FAM53A: variants seen among roughly 807,000 people sequenced by gnomAD.
The protein encoded by FAM53A is protein FAM53A.
FAM53A carries 28 observed loss-of-function variants against 26.6 expected under a neutral mutation model. The ratio of observed to expected loss-of-function variants is 1.05; its 90% CI spans 0.78 to 1.45. The LOEUF is 1.45. Among genes scored for constraint, FAM53A ranks in the 40% most tolerant of loss-of-function variants. The probability of loss-of-function intolerance (pLI) is 0.00; values close to 1 mark genes in which losing one functional copy is unlikely to be tolerated. For synonymous variants in FAM53A, 290 were observed against 253.1 expected, an observed-to-expected ratio of 1.15 and a Z score of -1.38; for missense variants, 650 against 575.8, an observed-to-expected ratio of 1.13 and a Z score of -1.32.
intron 2 of FAM53A, among the ~76,000 whole-genome samples, chr4:1,667,801 T>C (rs987967357): frequency 6.6e-6 from 1 of 152,178 alleles, no homozygotes; most frequent in African/African-American, 2.4e-5. Flanking sequence ...GCACCCCTGC[T>C]GGCTCTGAGG....
intron 3 of FAM53A, among the ~76,000 whole-genome samples, chr4:1,656,672 G>C (rs940908178): frequency 2.0e-5 from 3 of 152,152 alleles, no homozygotes; most frequent in Admixed American, 6.5e-5. Context: ...GGCCCGGCAG[G>C]GGGTGGGGCT....
At chr4:1,644,265 G>T in intron 4 of FAM53A, 1 of 1,536,016 alleles carries the variant, frequency 6.5e-7, no homozygotes, top group Non-Finnish European at 8.7e-7. Flanking sequence ...TGGACTGACT[G>T]CTCGGACCCG....
At chr4:1,635,111 A>G (rs912695951), downstream of FAM53A, among the ~76,000 whole-genome samples, 1 of 152,106 alleles carries the variant, frequency 6.6e-6, no homozygotes, top group Non-Finnish European at 1.5e-5. Context: ...TCCAGACTGC[A>G]TCTCTAGTTC....
chr4:1,584,309 C>T, the FAM53A span, among the ~76,000 whole-genome samples: 99,696 of 152,108 alleles, frequency 0.66, 33,285 homozygotes, highest in East Asian at 0.81. Flanking sequence ...ACAGCTTTAC[C>T]GTTTACATTT....
At chr4:1,579,319 C>T in the FAM53A span, among the ~76,000 whole-genome samples, 1 of 151,730 alleles carries the variant, frequency 6.6e-6, no homozygotes, top group African/African-American at 2.4e-5. Context: ...GCCGCTGCGC[C>T]CACGGCCCTC....
the FAM53A span, among the ~76,000 whole-genome samples, chr4:1,592,052 G>T: frequency 2.5e-4 from 38 of 152,172 alleles, 1 homozygote; most frequent in Admixed American, 2.4e-3. Flanking sequence ...ATGATAAATG[G>T]ATGCTATTTT....
chr4:1,600,396 G>C, the FAM53A span, among the ~76,000 whole-genome samples: 1 of 152,082 alleles, frequency 6.6e-6, no homozygotes. Flanking sequence ...TCTATAGGCA[G>C]GTGGGGCCAG....
intron 4 of FAM53A, among the ~76,000 whole-genome samples, chr4:1,654,296 G>A (rs1713127465): frequency 6.6e-6 from 1 of 152,228 alleles, no homozygotes; most frequent in African/African-American, 2.4e-5. Context: ...AGAGGTCTCT[G>A]GTGAATGCAC....
At chr4:1,607,324 GTTT>G in the FAM53A span, among the ~76,000 whole-genome samples, 1 of 144,476 alleles carries the variant, frequency 6.9e-6, no homozygotes, top group Non-Finnish European at 1.5e-5. Context: ...CAGCCTCTGG[GTTT>G]TTTTTTTTTT....
At chr4:1,577,248 C>A in the FAM53A span, among the ~76,000 whole-genome samples, 6 of 152,210 alleles carry the variant, frequency 3.9e-5, no homozygotes, top group Non-Finnish European at 8.8e-5. Context: ...GGACCATGTG[C>A]CAGACGAATG....
intron 4 of FAM53A, 120 bp downstream of exon 4, chr4:1,654,858 A>G (rs1577123125): frequency 7.4e-7 from 1 of 1,352,620 alleles, no homozygotes. Context: ...CTTTCCTCCC[A>G]GCCCAGAGAA....
At chr4:1,592,492 C>G in the FAM53A span, among the ~76,000 whole-genome samples, 1 of 150,652 alleles carries the variant, frequency 6.6e-6, no homozygotes, top group Non-Finnish European at 1.5e-5. Context: ...GGCTGGGGGG[C>G]GCTGCGGTCC....
chr4:1,637,487 G>C (rs1715898007), downstream of FAM53A, among the ~76,000 whole-genome samples: 1 of 152,088 alleles, frequency 6.6e-6, no homozygotes, highest in Admixed American at 6.5e-5. Context: ...TGGATGCTCT[G>C]GGAAGGGTGG....
In FAM53A at chr4:1,655,686, G is replaced by T; in HGVS notation, c.174C>A (p.Pro58=). The T allele has an allele frequency of 6.3e-7, 1 of 1,593,022 alleles. No individual in the cohort carries two copies. Among genetic ancestry groups the T allele is most frequent in the Non-Finnish European group, 8.5e-7 (1 of 1,173,972 alleles). Residue 58 remains proline (P), a synonymous_variant, in exon 4 of 5, where the codon CCC becomes CCA. Transcript: ENST00000308132. The part of the protein sequence containing the change: ...SPWKVFSGGP[P]VRSQAATGPD... The stretch of plus-strand genomic sequence containing the variant: ...GGCCCGTGGCTGCCTGGCTTCTGAC[G>T]GGCGGTCCTCCACTGAAGACCTTCC...
chr4:1,625,646 G>A (rs55782240), intron 1 of FAM53A, among the ~76,000 whole-genome samples: 1 of 110,492 alleles, frequency 9.1e-6, no homozygotes, highest in Admixed American at 8.8e-5. Flanking sequence ...TGATCAGAAG[G>A]CCCCACGTCC....
the FAM53A span, among the ~76,000 whole-genome samples, chr4:1,584,103 C>T: frequency 2.0e-3 from 305 of 152,252 alleles, 9 homozygotes; most frequent in South Asian, 0.049. Flanking sequence ...TCAGATGTTG[C>T]GATATCATCT....
chr4:1,658,793 G>T (rs1428623926), intron 2 of FAM53A, among the ~76,000 whole-genome samples: 1 of 152,254 alleles, frequency 6.6e-6, no homozygotes, highest in Admixed American at 6.5e-5. Flanking sequence ...CACAGGAGGG[G>T]GGTCCTGCCG....
intron 4 of FAM53A, among the ~76,000 whole-genome samples, chr4:1,642,037 C>A (rs1475885437): frequency 2.0e-5 from 3 of 152,110 alleles, no homozygotes; most frequent in Admixed American, 2.0e-4. Context: ...ACAGCCCCAC[C>A]CAGGGCCGCT....
Position 1,655,226 on chromosome 4 carries a change from C to A in FAM53A, c.634G>T (p.Glu212Ter), listed in dbSNP as rs1354591472. Residue 212 changes from glutamate (E) to a stop codon, truncating the protein, a stop_gained, in exon 4 of 5, where the codon GAG (glutamate) becomes TAG (stop). Coordinates refer to ENST00000308132, the MANE Select transcript of FAM53A (RefSeq NM_001174070.3). LOFTEE classifies it high-confidence loss of function. ...AGSGPLWCSA[E>*]SCLPSTRRRP... Reference sequence around the variant, plus strand: ...CGCCTCGTGGAGGGCAAGCAGGACTCCGCGGAACACCAGAGCGGGCCTGAG... The same window carrying A: ...CGCCTCGTGGAGGGCAAGCAGGACTACGCGGAACACCAGAGCGGGCCTGAG... 9 of 1,538,688 alleles carry A rather than the reference C, an allele frequency of 5.8e-6. No homozygotes were observed. Among genetic ancestry groups the A allele is most frequent in the Non-Finnish European group, 7.8e-6 (9 of 1,153,106 alleles).
Sources: allele counts gnomAD v4.1 joint callset (sites outside exome capture counted in the v4.1 genomes callset), GRCh38; gene constraint gnomAD v4.1.1; transcripts MANE v1.5; gene names NCBI Gene and HGNC (gene_info 2026-07-23, HGNC 2026-07-21).